The following INSR variants were observed in gnomAD, a reference collection of about 807,000 sequenced individuals.
INSR encodes IR.
INSR carries 67 observed loss-of-function variants against 142.6 expected under a neutral mutation model. The observed-to-expected ratio is 0.47, with a 90% CI of 0.39 to 0.58. The LOEUF (loss-of-function observed/expected upper bound fraction) is 0.58, where lower values mean the gene tolerates loss of function less well. Ranked by LOEUF, INSR falls within the 20% of genes least tolerant of loss-of-function variation. The probability of loss-of-function intolerance (pLI) is 0.00; values close to 1 mark genes in which losing one functional copy is unlikely to be tolerated. For synonymous variants in INSR, 756 were observed against 743.1 expected (o/e 1.02, Z -0.28); for missense variants, 1,248 against 1,833.2 (o/e 0.68, Z 5.83).
chr19:7,228,597 G>A (rs1975857627), intron 2 of INSR, among the ~76,000 whole-genome samples: 1 of 152,150 alleles, frequency 6.6e-6, no homozygotes, highest in Non-Finnish European at 1.5e-5. Flanking sequence ...CTAATTATTG[G>A]CAAAAGGCAA....
intron 2 of INSR, among the ~76,000 whole-genome samples, chr19:7,240,688 T>C (rs1373714094): frequency 6.6e-6 from 1 of 152,120 alleles, no homozygotes; most frequent in African/African-American, 2.4e-5. Context: ...TGCTCCAAAA[T>C]TCAACTTTTT....
Position 7,293,944 on chromosome 19 carries a change from G to T in INSR, c.-53C>A. On this transcript the variant is annotated 5_prime_UTR_variant, in exon 1 of 22. Coordinates refer to ENST00000302850, the MANE Select transcript of INSR (RefSeq NM_000208.4). ...ATCAGAGCGCGCGGCGCTGGCCCGC[G>T]GGGGTCATGCTCCGAGGCGGCCACC... 8.6e-7 allele frequency: 1 copy of T among 1,158,926 alleles called. No homozygotes were observed. Among genetic ancestry groups the T allele is most frequent in the Non-Finnish European group, 1.1e-6 (1 of 943,268 alleles). 71.8% of individuals were successfully genotyped at this position (1,158,926 alleles called of 1,614,324 possible). A position where few individuals can be genotyped will look rare whatever the true frequency, so the allele number is the denominator to read the frequency against.
chr19:7,117,982 T>C (rs1972379459), intron 21 of INSR, among the ~76,000 whole-genome samples: 1 of 150,356 alleles, frequency 6.7e-6, no homozygotes, highest in Non-Finnish European at 1.5e-5. Flanking sequence ...TCATAGCTCA[T>C]TGCAGCCTTG....
At position 7,150,088 on chromosome 19, in the gene INSR, C is replaced by T. The variant is rs527387884; in HGVS notation, c.2267+409G>A. On this transcript the variant is annotated intron_variant, in intron 11 of 21. Coordinates refer to ENST00000302850, the MANE Select transcript of INSR (RefSeq NM_000208.4). This position sits in a 1 kb window ranked among gnomAD's most constrained non-coding sequence, Gnocchi z 4.2. ...TGAAAATATTCTGTTTCCAGATCAACCTCCATTCATGGTGTAGGAGCTGCT... is the reference window on the plus strand; with the variant it reads ...TGAAAATATTCTGTTTCCAGATCAATCTCCATTCATGGTGTAGGAGCTGCT... Among the ~76,000 whole-genome samples the T allele has an allele frequency of 3.3e-4, 50 of 152,150 alleles. No homozygotes were observed. Among genetic ancestry groups the T allele is most frequent in the Admixed American group, 5.9e-4 (9 of 15,270 alleles).
chr19:7,194,889 G>A (rs987074934), intron 2 of INSR, among the ~76,000 whole-genome samples: 1 of 151,628 alleles, frequency 6.6e-6, no homozygotes, highest in South Asian at 2.1e-4. Context: ...AACACATGTC[G>A]AATGTCCCAG....
At chr19:7,171,864 T>G (rs918021242) in intron 5 of INSR, among the ~76,000 whole-genome samples, 1 of 152,098 alleles carries the variant, frequency 6.6e-6, no homozygotes, top group Non-Finnish European at 1.5e-5. Context: ...TATTTGTTTT[T>G]TATTTGTTTT....
At chr19:7,223,774 C>T (rs4804414) in intron 2 of INSR, among the ~76,000 whole-genome samples, 55,784 of 151,876 alleles carry the variant, frequency 0.37, 10,833 homozygotes, top group Non-Finnish European at 0.43. Context: ...TTGTGAGGAC[C>T]ATGTGCCTGG....
At chr19:7,277,124 C>T (rs1968083399) in intron 1 of INSR, among the ~76,000 whole-genome samples, 1 of 152,056 alleles carries the variant, frequency 6.6e-6, no homozygotes, top group Admixed American at 6.6e-5. Flanking sequence ...GTTCTGTCTC[C>T]CATCTGAGCC....
chr19:7,269,839 G>T (rs1330064728), intron 1 of INSR, among the ~76,000 whole-genome samples: 3 of 151,990 alleles, frequency 2.0e-5, no homozygotes, highest in African/African-American at 7.3e-5. Flanking sequence ...AGAATGCCTA[G>T]TTGAATTTGA....
intron 2 of INSR, among the ~76,000 whole-genome samples, chr19:7,199,432 C>G (rs1009030593): frequency 1.3e-5 from 2 of 151,312 alleles, no homozygotes; most frequent in Non-Finnish European, 2.9e-5. Context: ...GGGTCTTACT[C>G]TGTGGCCCAG....
chr19:7,227,785 C>CAGTCGCGGTACAGATT (rs1975834965), intron 2 of INSR, among the ~76,000 whole-genome samples: 1 of 151,880 alleles, frequency 6.6e-6, no homozygotes. Flanking sequence ...ATGAAAACCA[C>CAGTCGCGGTACAGATT]AGTCGCGGTA....
intron 2 of INSR, among the ~76,000 whole-genome samples, chr19:7,196,798 C>G (rs571277872): frequency 6.6e-6 from 1 of 151,770 alleles, no homozygotes; most frequent in Non-Finnish European, 1.5e-5. Context: ...AAAAAATACT[C>G]AAGATTTATG....
intron 2 of INSR, among the ~76,000 whole-genome samples, chr19:7,218,374 A>G (rs769298710): frequency 2.0e-5 from 3 of 152,050 alleles, no homozygotes; most frequent in Non-Finnish European, 2.9e-5. Context: ...ATTTCATCTA[A>G]GAGAAATCAA....
intron 17 of INSR, among the ~76,000 whole-genome samples, chr19:7,123,606 A>C (rs1280611083): frequency 6.6e-6 from 1 of 152,036 alleles, no homozygotes; most frequent in Non-Finnish European, 1.5e-5. Flanking sequence ...ATGTTTCCAT[A>C]GCATTTGCTC....
chr19:7,220,678 T>A (rs1975584893), intron 2 of INSR, among the ~76,000 whole-genome samples: 1 of 152,206 alleles, frequency 6.6e-6, no homozygotes, highest in Non-Finnish European at 1.5e-5. Context: ...AGAGCATATG[T>A]TATGCAGTGA....
chr19:7,178,395 A>G (rs1170571744), intron 3 of INSR, among the ~76,000 whole-genome samples: 1 of 151,992 alleles, frequency 6.6e-6, no homozygotes, highest in Admixed American at 6.6e-5. Flanking sequence ...ATTTCAATCA[A>G]TCACGCCTAA....
At chr19:7,249,013 C>T (rs1239071966) in intron 2 of INSR, among the ~76,000 whole-genome samples, 3 of 152,140 alleles carry the variant, frequency 2.0e-5, no homozygotes, top group Admixed American at 6.6e-5. Context: ...CCCACCTCGG[C>T]CTCCCAAAAT....
chr19:7,266,268 A>G (rs1374457401), intron 2 of INSR, among the ~76,000 whole-genome samples: 1 of 152,164 alleles, frequency 6.6e-6, no homozygotes, highest in Non-Finnish European at 1.5e-5. Flanking sequence ...AATCTGCACC[A>G]AGAGCCTCTG....
Position 7,168,383 on chromosome 19 carries a change from GC to G in INSR, c.1484-290del, listed in dbSNP as rs775349098. The stretch of plus-strand genomic sequence containing the variant: ...TGTACCCGCGCAAGAAGGACAACCG[GC>G]CAATAGTTATTGGAGGAAGGGATTT... On this transcript the variant is annotated intron_variant, in intron 6 of 21. Transcript: ENST00000302850. The surrounding 1 kb of genome is among the most constrained non-coding windows in gnomAD (Gnocchi z 4.3). Among the ~76,000 whole-genome samples the G allele has an allele frequency of 1.4e-4, 22 of 152,276 alleles. No homozygotes were observed. Among genetic ancestry groups the G allele is most frequent in the African/African-American group, 4.6e-4 (19 of 41,570 alleles).
Sources: allele counts gnomAD v4.1 joint callset (sites outside exome capture counted in the v4.1 genomes callset), GRCh38; gene constraint gnomAD v4.1.1; non-coding constraint Gnocchi (gnomAD v3.1); transcripts MANE v1.5; gene names NCBI Gene and HGNC (gene_info 2026-07-23, HGNC 2026-07-21).